The following ATP8A2 variants were observed in gnomAD, a reference collection of about 807,000 sequenced individuals.
ATP8A2 encodes the protein phospholipid-transporting ATPase IB.
ATP8A2 carries 100 observed loss-of-function variants against 165.6 expected under a neutral mutation model. The ratio of observed to expected loss-of-function variants is 0.60; its 90% CI spans 0.51 to 0.71. ATP8A2 has a LOEUF of 0.71. Ranked by LOEUF, ATP8A2 falls within the 30% of genes least tolerant of loss-of-function variation. ATP8A2 has a pLI of 0.00. For missense variants in ATP8A2, 1,227 were observed against 1,479.5 expected (o/e 0.83, Z 2.80); for synonymous variants, 543 against 548.8 (o/e 0.99, Z 0.15).
chr13:25,480,246 G>C (rs2036131838), intron 2 of ATP8A2, among the ~76,000 whole-genome samples: 1 of 150,584 alleles, frequency 6.6e-6, no homozygotes, highest in Non-Finnish European at 1.5e-5. Context: ...GGGGCGGCTG[G>C]GCAGAGGCGC....
At chr13:25,388,861 A>C (rs1406612490) in intron 1 of ATP8A2, among the ~76,000 whole-genome samples, 1 of 152,178 alleles carries the variant, frequency 6.6e-6, no homozygotes, top group Non-Finnish European at 1.5e-5. Flanking sequence ...GTGTGCATGA[A>C]ACACAGGCTG....
intron 1 of ATP8A2, among the ~76,000 whole-genome samples, chr13:25,432,881 A>G (rs191120169): frequency 2.6e-5 from 4 of 152,288 alleles, no homozygotes; most frequent in Admixed American, 2.0e-4. Flanking sequence ...TGAGAGGGTC[A>G]GTTTGTGACC....
chr13:25,992,508 G>A (rs956498394), intron 35 of ATP8A2, among the ~76,000 whole-genome samples: 1 of 151,978 alleles, frequency 6.6e-6, no homozygotes, highest in Non-Finnish European at 1.5e-5. Context: ...TCTGTACCAT[G>A]TTCTTTCAGC....
At chr13:25,869,744 C>T (rs757209094) in intron 33 of ATP8A2, among the ~76,000 whole-genome samples, 6 of 152,158 alleles carry the variant, frequency 3.9e-5, no homozygotes, top group African/African-American at 1.2e-4. Context: ...TTCAGCGCCC[C>T]GCTGCTCAGA....
chr13:25,693,268 G>A (rs2042765871), intron 24 of ATP8A2, among the ~76,000 whole-genome samples: 1 of 152,222 alleles, frequency 6.6e-6, no homozygotes, highest in South Asian at 2.1e-4. Flanking sequence ...GGAACTGTTT[G>A]TGATAGTAAT....
At chr13:25,457,080 G>A (rs1311002648) in intron 1 of ATP8A2, among the ~76,000 whole-genome samples, 1 of 152,172 alleles carries the variant, frequency 6.6e-6, no homozygotes, top group African/African-American at 2.4e-5. Context: ...TGTGGCTTGT[G>A]GGCCACGAGT....
chr13:25,906,210 C>T (rs916684589), intron 33 of ATP8A2, among the ~76,000 whole-genome samples: 2 of 151,328 alleles, frequency 1.3e-5, no homozygotes, highest in African/African-American at 4.9e-5. Context: ...CCTTTATTTG[C>T]CCTTCATGGC....
intron 25 of ATP8A2, among the ~76,000 whole-genome samples, chr13:25,700,263 A>C (rs540199249): frequency 3.3e-5 from 5 of 152,196 alleles, no homozygotes; most frequent in Non-Finnish European, 5.9e-5. Context: ...GAATAGCTTG[A>C]TTGTGATACA....
At chr13:25,410,368 C>T (rs1566112205) in intron 1 of ATP8A2, among the ~76,000 whole-genome samples, 1 of 152,302 alleles carries the variant, frequency 6.6e-6, no homozygotes, top group East Asian at 1.9e-4. Context: ...GCCCCAGTGG[C>T]ATCTATTCCT....
In ATP8A2 at chr13:25,968,591, A is replaced by G. The variant is rs778092296; in HGVS notation, c.3289A>G (p.Lys1097Glu). The change falls in exon 35 of 37, where the codon AAA (lysine) becomes GAA (glutamate). Residue 1097 changes from lysine (K) to glutamate (E), a missense_variant. By Grantham distance (56) the Lys-to-Glu change is moderately conservative. This residue lies in a region of ATP8A2 where 260 missense variants were observed against 245.1 expected (regional missense o/e 1.06). Coordinates refer to ENST00000381655, the MANE Select transcript of ATP8A2 (RefSeq NM_016529.6). ...VAWRAAKHTCKKTLLEEVQEL... is the reference protein window; with the variant it reads ...VAWRAAKHTCEKTLLEEVQEL... The stretch of plus-strand genomic sequence containing the variant: ...ATAACACAGAGCCAAGCACACCTGC[A>G]AAAAGACATTGCTGGAGGAGGTGCA... 7.4e-6 allele frequency: 12 copies of G among 1,613,664 alleles called. No individual in the cohort carries two copies. The highest frequency in any genetic ancestry group is 3.3e-5 in the Admixed American group (2 of 59,982).
At chr13:25,722,166 A>T (rs1434711112) in intron 25 of ATP8A2, among the ~76,000 whole-genome samples, 8 of 152,118 alleles carry the variant, frequency 5.3e-5, no homozygotes, top group African/African-American at 1.9e-4. Context: ...TAGCCATCCT[A>T]GTGGGTATGC....
At chr13:25,379,753 G>A (rs79265304) in intron 1 of ATP8A2, among the ~76,000 whole-genome samples, 2,884 of 152,248 alleles carry the variant, frequency 0.019, 81 homozygotes, top group East Asian at 0.11. Flanking sequence ...ATAGTGTGCC[G>A]TTTCTGCTAC....
At chr13:25,926,756 T>A (rs1360612927) in intron 33 of ATP8A2, among the ~76,000 whole-genome samples, 1 of 152,136 alleles carries the variant, frequency 6.6e-6, no homozygotes, top group South Asian at 2.1e-4. Flanking sequence ...TCTCAGCACT[T>A]TGGGAGGCCA....
intron 24 of ATP8A2, among the ~76,000 whole-genome samples, chr13:25,661,696 T>C (rs2042054618): frequency 6.6e-6 from 1 of 152,232 alleles, no homozygotes; most frequent in East Asian, 1.9e-4. Context: ...ATCTGAATCA[T>C]GGATAGTGTG....
chr13:25,520,602 T>G (rs9581371), intron 2 of ATP8A2, among the ~76,000 whole-genome samples: 9,943 of 150,032 alleles, frequency 0.066, 413 homozygotes, highest in South Asian at 0.14. Flanking sequence ...TTTTTTTTTT[T>G]TTTGTTTTTT....
intron 2 of ATP8A2, chr13:25,517,031 T>G (rs2037498160): frequency 6.6e-6 from 1 of 151,430 alleles, no homozygotes; most frequent in Non-Finnish European, 1.5e-5. Flanking sequence ...TCCACCCACC[T>G]CGCCCTCCCA....
intron 10 of ATP8A2, among the ~76,000 whole-genome samples, chr13:25,550,947 T>C (rs529933734): frequency 6.6e-6 from 1 of 152,356 alleles, no homozygotes; most frequent in African/African-American, 2.4e-5. Context: ...GAAGGTCTTC[T>C]CTAGATTTTT....
intron 2 of ATP8A2, among the ~76,000 whole-genome samples, chr13:25,479,986 C>T (rs541624506): frequency 3.9e-5 from 6 of 152,324 alleles, no homozygotes; most frequent in South Asian, 2.1e-4. Flanking sequence ...CATCATGGCC[C>T]GTTCTCAATG....
At chr13:25,546,639 G>A (rs1344672977) in intron 10 of ATP8A2, among the ~76,000 whole-genome samples, 2 of 151,578 alleles carry the variant, frequency 1.3e-5, no homozygotes, top group African/African-American at 4.9e-5. Context: ...TTGATTTAAT[G>A]GGAAAAAGAG....
Sources: gnomAD v4.1 joint callset for allele counts (sites outside exome capture counted in the v4.1 genomes callset) on GRCh38, gnomAD v4.1.1 for gene constraint, gnomAD v4.1.1 regional missense constraint, MANE v1.5 for transcripts, NCBI Gene and HGNC (gene_info 2026-07-23, HGNC 2026-07-21) for gene names.